Variants in DCDC2C observed in about 807,000 individuals in gnomAD.
The protein encoded by DCDC2C is doublecortin domain containing 2C, also known as doublecortin domain-containing protein 2C.
A neutral mutation model predicts 45.0 loss-of-function variants in DCDC2C; 44 were observed. The observed-to-expected ratio is 0.98, with a 90% confidence interval of 0.77 to 1.26. The LOEUF is 1.26. Among genes scored for constraint, DCDC2C ranks in the 50% most tolerant of loss-of-function variants. DCDC2C has a pLI of 0.00. For synonymous variants in DCDC2C, 187 were observed against 178.8 expected, an observed-to-expected ratio of 1.05 and a Z score of -0.37; for missense variants, 447 against 468.9, an observed-to-expected ratio of 0.95 and a Z score of 0.43.
chr2:3,715,342 A>G (rs1668321288), intron 2 of DCDC2C, among the ~76,000 whole-genome samples: 1 of 152,134 alleles, frequency 6.6e-6, no homozygotes, highest in African/African-American at 2.4e-5. Flanking sequence ...ACCAAGTTAA[A>G]TCTGTGCCCA....
chr2:3,824,883 T>A (rs952355231), intron 10 of DCDC2C, among the ~76,000 whole-genome samples: 6 of 152,158 alleles, frequency 3.9e-5, no homozygotes, highest in African/African-American at 1.4e-4. Flanking sequence ...TGGTCCTGCC[T>A]CTTCTCTGGC....
At chr2:3,744,342 C>T (rs1054858205) in intron 4 of DCDC2C, among the ~76,000 whole-genome samples, 5 of 152,092 alleles carry the variant, frequency 3.3e-5, no homozygotes, top group Admixed American at 2.0e-4. Context: ...GCCCAGCGTC[C>T]GGCTGTTGGT....
chr2:3,705,805 G>A, intron 1 of DCDC2C, among the ~76,000 whole-genome samples: 1 of 140,036 alleles, frequency 7.1e-6, no homozygotes, highest in East Asian at 2.4e-4. Context: ...AAATTGAGAT[G>A]TTTTTCTTCC....
chr2:3,751,203 T>G (rs903140422), intron 4 of DCDC2C, among the ~76,000 whole-genome samples: 2 of 152,238 alleles, frequency 1.3e-5, no homozygotes, highest in African/African-American at 4.8e-5. Flanking sequence ...GAGCAGTTGC[T>G]TTGGGGGTGC....
At chr2:3,790,047 G>T (rs1670763648) in intron 10 of DCDC2C, among the ~76,000 whole-genome samples, 1 of 152,152 alleles carries the variant, frequency 6.6e-6, no homozygotes, top group Non-Finnish European at 1.5e-5. Flanking sequence ...TCAAATCATA[G>T]TGTGCTTAGA....
chr2:3,725,188 T>C (rs1232072932), intron 2 of DCDC2C, among the ~76,000 whole-genome samples: 1 of 152,092 alleles, frequency 6.6e-6, no homozygotes, highest in African/African-American at 2.4e-5. Context: ...TGAATTTGGC[T>C]TAGTGCCGGC....
intron 3 of DCDC2C, among the ~76,000 whole-genome samples, chr2:3,729,601 G>A (rs1668800772): frequency 6.6e-6 from 1 of 152,238 alleles, no homozygotes; most frequent in Non-Finnish European, 1.5e-5. Context: ...GGCAGTTCTG[G>A]AAGTTAGGAT....
chr2:3,738,670 C>T (rs1669102413), intron 3 of DCDC2C, among the ~76,000 whole-genome samples: 1 of 150,012 alleles, frequency 6.7e-6, no homozygotes, highest in South Asian at 2.1e-4. Context: ...CGTGATCAGG[C>T]GTTTATAGGT....
intron 6 of DCDC2C, among the ~76,000 whole-genome samples, chr2:3,755,450 A>AATGC (rs1341363280): frequency 4.6e-5 from 6 of 129,540 alleles, no homozygotes; most frequent in Admixed American, 8.3e-5. Flanking sequence ...TGTATGTATG[A>AATGC]ATGCATGTGT....
intron 3 of DCDC2C, among the ~76,000 whole-genome samples, chr2:3,736,139 CA>C (rs1330155810): frequency 6.6e-6 from 1 of 152,234 alleles, no homozygotes. Context: ...AGAACTTAAG[CA>C]AGTCGGACAC....
intron 10 of DCDC2C, among the ~76,000 whole-genome samples, chr2:3,817,466 G>A (rs1671583270): frequency 6.6e-6 from 1 of 152,180 alleles, no homozygotes; most frequent in Admixed American, 6.5e-5. Context: ...GACAGGTAGT[G>A]GAGTGGGGCA....
chr2:3,733,813 G>C (rs569911520), intron 3 of DCDC2C, among the ~76,000 whole-genome samples: 16 of 152,238 alleles, frequency 1.1e-4, no homozygotes, highest in African/African-American at 3.6e-4. Flanking sequence ...ACATGAACTG[G>C]GGGGTGAGGG....
At chr2:3,759,585 G>A (rs1187999557) in intron 6 of DCDC2C, among the ~76,000 whole-genome samples, 1 of 152,202 alleles carries the variant, frequency 6.6e-6, no homozygotes, top group African/African-American at 2.4e-5. Flanking sequence ...CGGGAGGGTG[G>A]TGCATTCAGG....
At chr2:3,803,211 G>A (rs995000723) in intron 10 of DCDC2C, among the ~76,000 whole-genome samples, 1 of 152,156 alleles carries the variant, frequency 6.6e-6, no homozygotes, top group Non-Finnish European at 1.5e-5. Flanking sequence ...TTTAATGGTT[G>A]AATTCAGTGA....
chr2:3,738,926 C>CT lies in DCDC2C; in HGVS notation c.417-2993dup, dbSNP rs1417609131. The stretch of plus-strand genomic sequence containing the variant: ...ATTTTAGATGGAGTTGTTCATTCAG[C>CT]TACCTGGAAGATGGATCATCGGACC... On this transcript the variant is annotated intron_variant, in intron 3 of 10. Transcript: ENST00000399143. 3.9e-5 allele frequency among the ~76,000 whole-genome samples: 6 copies of CT among 152,298 alleles called. No homozygotes were observed. In the East Asian group the frequency reaches 1.2e-3, roughly 29 times the overall value.
chr2:3,812,055 T>C (rs1340897802), intron 10 of DCDC2C, among the ~76,000 whole-genome samples: 1 of 152,130 alleles, frequency 6.6e-6, no homozygotes, highest in Non-Finnish European at 1.5e-5. Flanking sequence ...TTTTGTTGTG[T>C]CTCTTCCCGG....
At chr2:3,721,625 C>A (rs1668506971) in intron 2 of DCDC2C, among the ~76,000 whole-genome samples, 1 of 152,172 alleles carries the variant, frequency 6.6e-6, no homozygotes, top group South Asian at 2.1e-4. Context: ...CAAATCTTAT[C>A]TTGTAACTTC....
intron 10 of DCDC2C, among the ~76,000 whole-genome samples, chr2:3,806,545 CT>C (rs34504660): frequency 0.5 from 71,526 of 143,064 alleles, 17,589 homozygotes; most frequent in South Asian, 0.66. Context: ...CTTTGAGTGT[CT>C]TTTTTTTTTT....
At chr2:3,723,385 C>G (rs1479768809) in intron 2 of DCDC2C, among the ~76,000 whole-genome samples, 7 of 152,186 alleles carry the variant, frequency 4.6e-5, no homozygotes, top group Admixed American at 4.6e-4. Context: ...GTCGAAGTGA[C>G]TTCTTAAAGT....
Sources: gnomAD v4.1 joint callset for allele counts (sites outside exome capture counted in the v4.1 genomes callset) on GRCh38, gnomAD v4.1.1 for gene constraint, MANE v1.5 for transcripts, NCBI Gene and HGNC (gene_info 2026-07-23, HGNC 2026-07-21) for gene names.